Variants in CAPN3 observed in about 807,000 individuals in gnomAD.
CAPN3 encodes the protein calpain-3.
In CAPN3, 88 loss-of-function variants were observed where a neutral mutation model predicts 114.0. That is an observed-to-expected ratio of 0.77 (90% CI 0.65 to 0.92). The LOEUF (loss-of-function observed/expected upper bound fraction) is 0.92. Ranked by LOEUF, CAPN3 falls within the 40% of genes least tolerant of loss-of-function variation. The pLI, the probability that CAPN3 is intolerant of heterozygous loss-of-function variation, is 0.00. For synonymous variants in CAPN3, 386 were observed against 382.9 expected (o/e 1.01, Z -0.09); for missense variants, 1,028 against 1,069.0 (o/e 0.96, Z 0.53).
chr15:42,399,525 A>C lies in CAPN3; in HGVS notation c.1227A>C (p.Thr409=), dbSNP rs111806046. The stretch of plus-strand genomic sequence containing the variant: ...ATGAGGATTTCATCTACCATTTCAC[A>C]AAGTTGGAGATCTGCAACCTCACGG... The part of the protein sequence containing the change: ...MSYEDFIYHF[T]KLEICNLTAD... The change falls in exon 10 of 24, where the codon ACA becomes ACC. Residue 409 remains threonine, a synonymous_variant. Coordinates refer to ENST00000397163, the MANE Select transcript of CAPN3 (RefSeq NM_000070.3). 40 of 1,613,894 alleles carry C rather than the reference A, an allele frequency of 2.5e-5. No individual in the cohort carries two copies. In the African/African-American group the frequency reaches 3.9e-4, roughly 16 times the overall value.
At chr15:42,380,751 A>ATATATATATATTTTT (rs1436943739) in intron 1 of CAPN3, among the ~76,000 whole-genome samples, 6 of 64,484 alleles carry the variant, frequency 9.3e-5, no homozygotes, top group African/African-American at 5.4e-4. Context: ...ATATATATAT[A>ATATATATATATTTTT]TTTTTTTTTT....
At chr15:42,360,838 A>T (rs2052623548) in intron 1 of CAPN3, among the ~76,000 whole-genome samples, 1 of 152,192 alleles carries the variant, frequency 6.6e-6, no homozygotes, top group African/African-American at 2.4e-5. Context: ...GAGGGAAATC[A>T]CATTCCCCTG....
intron 1 of CAPN3, among the ~76,000 whole-genome samples, chr15:42,376,265 A>G (rs761126378): frequency 1.3e-5 from 2 of 152,236 alleles, no homozygotes; most frequent in Non-Finnish European, 2.9e-5. Context: ...GACACTAAGC[A>G]TAAGCCCATA....
chr15:42,383,482 G>T (rs1453654246), intron 1 of CAPN3, among the ~76,000 whole-genome samples: 1 of 151,938 alleles, frequency 6.6e-6, no homozygotes, highest in Non-Finnish European at 1.5e-5. Flanking sequence ...CCAGCTACTC[G>T]GGAGGCTGAG....
chr15:42,386,888 G>A (rs1333865104), intron 3 of CAPN3, among the ~76,000 whole-genome samples: 1 of 152,152 alleles, frequency 6.6e-6, no homozygotes, highest in African/African-American at 2.4e-5. Flanking sequence ...TTCTACCTGT[G>A]AGGGTCTCGT....
At chr15:42,380,747 ATATATTT>A (rs1448254115) in intron 1 of CAPN3, among the ~76,000 whole-genome samples, 6 of 58,526 alleles carry the variant, frequency 1.0e-4, no homozygotes, top group African/African-American at 3.1e-4. Flanking sequence ...ATATATATAT[ATATATTT>A]TTTTTTTTTT....
chr15:42,393,616 C>T (rs1391796344), intron 7 of CAPN3, among the ~76,000 whole-genome samples: 4 of 138,980 alleles, frequency 2.9e-5, no homozygotes, highest in African/African-American at 5.5e-5. Context: ...TTTTTTGAGA[C>T]GGAGTCTCAC....
intron 15 of CAPN3, among the ~76,000 whole-genome samples, 170 bp downstream of exon 15, chr15:42,406,113 G>C (rs2054012988): frequency 6.6e-6 from 1 of 152,124 alleles, no homozygotes; most frequent in Admixed American, 6.5e-5. Context: ...TGACAACTAC[G>C]ATTTGCTGGG....
intron 13 of CAPN3, 59 bp from the exon 14 acceptor site, chr15:42,403,682 A>G: frequency 6.6e-7 from 1 of 1,517,998 alleles, no homozygotes; most frequent in Non-Finnish European, 9.2e-7. Flanking sequence ...CAAACCGTCC[A>G]CGGGCCTCCT....
intron 1 of CAPN3, among the ~76,000 whole-genome samples, chr15:42,366,834 TTTTTTC>T (rs892594377): frequency 4.2e-5 from 6 of 141,752 alleles, no homozygotes; most frequent in Admixed American, 1.4e-4. Flanking sequence ...TTTTCTTTTT[TTTTTTC>T]TTTTTTTTTT....
intron 1 of CAPN3, among the ~76,000 whole-genome samples, chr15:42,377,458 G>C (rs1477666645): frequency 6.6e-6 from 1 of 152,150 alleles, no homozygotes; most frequent in African/African-American, 2.4e-5. Flanking sequence ...TTCTTAGCCT[G>C]TTGATGTGGT....
intron 1 of CAPN3, among the ~76,000 whole-genome samples, chr15:42,365,304 T>C (rs1189920653): frequency 2.6e-5 from 4 of 152,186 alleles, no homozygotes; most frequent in African/African-American, 9.6e-5. Flanking sequence ...TTCACAGCCC[T>C]GAATCGGAGT....
Position 42,387,741 on chromosome 15 carries a change from G to A in CAPN3, c.499-12G>A, listed in dbSNP as rs2053441522. The A allele has an allele frequency of 5.6e-6, 9 of 1,614,164 alleles. No homozygotes were observed. The highest frequency in any genetic ancestry group is 6.8e-6 in the Non-Finnish European group (8 of 1,180,004). ...TTGAGTATGTGACTCTGTGCGTGAC[G>A]CTTCTGTGCAGTTCTGGCGCTATGG... On this transcript the variant is annotated splice_polypyrimidine_tract_variant and intron_variant, in intron 3 of 23. Transcript: ENST00000397163.
At position 42,385,858 on chromosome 15, in the gene CAPN3, T is replaced by C. The variant is rs770092120; in HGVS notation, c.380-309T>C. On this transcript the variant is annotated intron_variant, in intron 2 of 23. Transcript: ENST00000397163. ...GAAGAACAACCCAGTTATGATCACC[T>C]ACTGCTCTGTCTCCATTGAGGCCTA... 3 of 596,494 alleles carry C rather than the reference T, an allele frequency of 5.0e-6. No individual in the cohort carries two copies. In the Admixed American group the frequency reaches 5.6e-5, roughly 11 times the overall value. The allele number at this position is 596,494 out of a possible 1,614,324, so 37.0% of individuals were successfully genotyped here.
intron 1 of CAPN3, among the ~76,000 whole-genome samples, chr15:42,382,039 A>T (rs140042121): frequency 3.9e-4 from 60 of 152,302 alleles, no homozygotes; most frequent in Admixed American, 1.0e-3. Context: ...GAATAAAGGA[A>T]GTCATATTGT....
At chr15:42,366,784 GTTCTTCCTC>G (rs2052787825) in intron 1 of CAPN3, among the ~76,000 whole-genome samples, 1 of 147,350 alleles carries the variant, frequency 6.8e-6, no homozygotes, top group Admixed American at 6.8e-5. Context: ...CTAACCTGGT[GTTCTTCCTC>G]TCCACGACCC....
At chr15:42,395,295 A>G (rs2053660058) in intron 8 of CAPN3, among the ~76,000 whole-genome samples, 1 of 152,070 alleles carries the variant, frequency 6.6e-6, no homozygotes, top group Non-Finnish European at 1.5e-5. Context: ...TCCTTCACCT[A>G]TGCACGCTAC....
intron 8 of CAPN3, among the ~76,000 whole-genome samples, chr15:42,396,076 T>C (rs1308971124): frequency 6.6e-6 from 1 of 152,192 alleles, no homozygotes; most frequent in Non-Finnish European, 1.5e-5. Flanking sequence ...CAGCTTTGCA[T>C]GCATTATTGC....
Position 42,360,050 on chromosome 15 carries a change from C to G in CAPN3, c.245C>G (p.Pro82Arg). The part of the protein sequence containing the change: ...KVLYVDPEFP[P>R]DETSLFYSQK... ...CTTTATGTGGACCCTGAGTTCCCAC[C>G]GGATGAGACCTCTCTCTTTTATAGC... Residue 82 changes from proline (P) to arginine (R), a missense_variant, in exon 1 of 24, where the codon CCG becomes CGG. By Grantham distance (103) the Pro-to-Arg change is moderately radical. Coordinates refer to ENST00000397163, the MANE Select transcript of CAPN3 (RefSeq NM_000070.3). The G allele has an allele frequency of 6.2e-7, 1 of 1,614,192 alleles. No homozygotes were observed. The highest frequency in any genetic ancestry group is 1.1e-5 in the South Asian group (1 of 91,084).
Sources: gnomAD v4.1 joint callset for allele counts (sites outside exome capture counted in the v4.1 genomes callset) on GRCh38, gnomAD v4.1.1 for gene constraint, MANE v1.5 for transcripts, NCBI Gene and HGNC (gene_info 2026-07-23, HGNC 2026-07-21) for gene names.